Variants in CHMP4B observed in about 807,000 individuals in gnomAD.
The protein encoded by CHMP4B is SNF7 homolog associated with Alix 1.
In CHMP4B, 1 loss-of-function variant was observed where a neutral mutation model predicts 25.1. The observed-to-expected ratio is 0.04, with a 90% CI of 0.01 to 0.19. The LOEUF is 0.19. Among genes scored for constraint, CHMP4B ranks in the 10% least tolerant of loss-of-function variants. CHMP4B has a pLI of 1.00. For synonymous variants in CHMP4B, 101 were observed against 115.6 expected (o/e 0.87, Z 0.81); for missense variants, 151 against 289.7 (o/e 0.52, Z 3.48).
intron 1 of CHMP4B, among the ~76,000 whole-genome samples, chr20:33,840,687 T>C (rs1161398333): frequency 2.4e-4 from 37 of 152,232 alleles, no homozygotes; most frequent in Non-Finnish European, 7.3e-5. Context: ...TTGGTTTTTC[T>C]TGTCTTTTCT....
intron 1 of CHMP4B, among the ~76,000 whole-genome samples, chr20:33,814,522 T>A (rs1481877672): frequency 6.6e-6 from 1 of 151,912 alleles, no homozygotes; most frequent in African/African-American, 2.4e-5. Flanking sequence ...AGGAGTTGGG[T>A]GTGTTTGGGA....
rs537049236 is a variant in CHMP4B, at chr20:33,836,246, A to C, written c.191-12221A>C. 4.6e-5 allele frequency among the ~76,000 whole-genome samples: 7 copies of C among 152,270 alleles called. No individual in the cohort carries two copies. In the South Asian group the frequency reaches 1.5e-3, roughly 32 times the overall value. Reference sequence around the variant, plus strand: ...TGCATAAATGGTAGATTTTGATTAGATGTCAAATGTAAATTTTGCCTTGTT... The same window carrying C: ...TGCATAAATGGTAGATTTTGATTAGCTGTCAAATGTAAATTTTGCCTTGTT... On this transcript the variant is annotated intron_variant, in intron 1 of 4. Coordinates refer to ENST00000217402, the MANE Select transcript of CHMP4B (RefSeq NM_176812.5).
chr20:33,840,786 C>G (rs1324640604), intron 1 of CHMP4B, among the ~76,000 whole-genome samples: 1 of 152,134 alleles, frequency 6.6e-6, no homozygotes, highest in Non-Finnish European at 1.5e-5. Flanking sequence ...TAAGTAATAC[C>G]AGTGACCAAC....
At chr20:33,834,663 T>C (rs965502917) in intron 1 of CHMP4B, among the ~76,000 whole-genome samples, 1 of 152,222 alleles carries the variant, frequency 6.6e-6, no homozygotes, top group Non-Finnish European at 1.5e-5. Flanking sequence ...TGTGTTTTTA[T>C]TTTCATTCAG....
At chr20:33,840,862 C>T (rs1198272377) in intron 1 of CHMP4B, among the ~76,000 whole-genome samples, 2 of 152,108 alleles carry the variant, frequency 1.3e-5, no homozygotes, top group South Asian at 2.1e-4. Flanking sequence ...TCACAATAAC[C>T]CTATGAGGTG....
At chr20:33,830,956 T>TTTTTTTTAG (rs1199433312) in intron 1 of CHMP4B, among the ~76,000 whole-genome samples, 2 of 150,318 alleles carry the variant, frequency 1.3e-5, no homozygotes, top group African/African-American at 4.9e-5. Flanking sequence ...TTTTAGTTTT[T>TTTTTTTTAG]TTGAGACAGG....
intron 1 of CHMP4B, among the ~76,000 whole-genome samples, chr20:33,812,005 C>A (rs1187932643): frequency 6.6e-6 from 1 of 152,170 alleles, no homozygotes; most frequent in Non-Finnish European, 1.5e-5. Flanking sequence ...ACTGCCCCTG[C>A]CTCCTCCTCG....
chr20:33,844,911 A>C (rs1317235913), intron 1 of CHMP4B, among the ~76,000 whole-genome samples: 2 of 151,968 alleles, frequency 1.3e-5, no homozygotes, highest in South Asian at 2.1e-4. Context: ...GGCGCCTGCC[A>C]CCACACCCGG....
chr20:33,841,672 C>T (rs956562336), intron 1 of CHMP4B, among the ~76,000 whole-genome samples: 8 of 152,168 alleles, frequency 5.3e-5, no homozygotes, highest in African/African-American at 1.9e-4. Context: ...CAACAGCACT[C>T]ATTAGGGGAA....
At chr20:33,832,114 A>G (rs887787632) in intron 1 of CHMP4B, among the ~76,000 whole-genome samples, 5 of 150,600 alleles carry the variant, frequency 3.3e-5, no homozygotes, top group African/African-American at 1.2e-4. Flanking sequence ...CCGGCATTTC[A>G]CTCTCTTCCC....
At chr20:33,845,317 G>T (rs1276716881) in intron 1 of CHMP4B, among the ~76,000 whole-genome samples, 1 of 151,694 alleles carries the variant, frequency 6.6e-6, no homozygotes, top group Non-Finnish European at 1.5e-5. Flanking sequence ...AGGCCTTGGT[G>T]AATCTTTTTT....
chr20:33,830,958 T>TTTTTTTA (rs1256047941), intron 1 of CHMP4B, among the ~76,000 whole-genome samples: 1 of 150,512 alleles, frequency 6.6e-6, no homozygotes, highest in African/African-American at 2.4e-5. Context: ...TTAGTTTTTT[T>TTTTTTTA]GAGACAGGGT....
At chr20:33,847,517 C>T (rs1232477622) in intron 1 of CHMP4B, among the ~76,000 whole-genome samples, 1 of 152,144 alleles carries the variant, frequency 6.6e-6, no homozygotes, top group African/African-American at 2.4e-5. Context: ...ATCTGGGTTT[C>T]AAGTTGGGAG....
chr20:33,813,725 G>T (rs574453057), intron 1 of CHMP4B, among the ~76,000 whole-genome samples: 16 of 151,832 alleles, frequency 1.1e-4, no homozygotes, highest in East Asian at 3.9e-4. Context: ...TTGTTTTTTT[G>T]TTTGTTTGTT....
At chr20:33,841,826 C>G (rs968509376) in intron 1 of CHMP4B, among the ~76,000 whole-genome samples, 1 of 152,104 alleles carries the variant, frequency 6.6e-6, no homozygotes, top group East Asian at 1.9e-4. Flanking sequence ...TTATCAAGGG[C>G]AGAGTTTGGA....
intron 1 of CHMP4B, among the ~76,000 whole-genome samples, chr20:33,834,370 G>A (rs372890257): frequency 6.8e-4 from 103 of 152,166 alleles, no homozygotes; most frequent in African/African-American, 2.5e-3. Context: ...GAGTGCAGTG[G>A]CACAATCATA....
intron 2 of CHMP4B, among the ~76,000 whole-genome samples, chr20:33,849,451 T>C (rs1979783348): frequency 6.6e-6 from 1 of 152,016 alleles, no homozygotes; most frequent in East Asian, 1.9e-4. Flanking sequence ...AATACAAAAA[T>C]TAGCTGGGTG....
intron 1 of CHMP4B, among the ~76,000 whole-genome samples, chr20:33,820,390 G>A (rs1400999543): frequency 6.6e-6 from 1 of 152,148 alleles, no homozygotes; most frequent in African/African-American, 2.4e-5. Context: ...GTACACATTT[G>A]CATTTAATTT....
chr20:33,826,154 A>G (rs1020750416), intron 1 of CHMP4B, among the ~76,000 whole-genome samples: 5 of 152,138 alleles, frequency 3.3e-5, no homozygotes, highest in Non-Finnish European at 4.4e-5. Flanking sequence ...GTATTCAGTC[A>G]AAGTATGGTA....
Sources: gnomAD v4.1 joint callset for allele counts (sites outside exome capture counted in the v4.1 genomes callset) on GRCh38, gnomAD v4.1.1 for gene constraint, MANE v1.5 for transcripts, NCBI Gene and HGNC (gene_info 2026-07-23, HGNC 2026-07-21) for gene names.